The following MGAT4C variants were observed in gnomAD, a reference collection of about 807,000 sequenced individuals.
MGAT4C encodes alpha-1,3-mannosyl-glycoprotein 4-beta-N-acetylglucosaminyltransferase C.
MGAT4C carries 19 observed loss-of-function variants against 40.1 expected under a neutral mutation model. The observed-to-expected ratio is 0.47, with a 90% CI of 0.33 to 0.70. The LOEUF is 0.70. Ranked by LOEUF, MGAT4C falls within the 30% of genes least tolerant of loss-of-function variation. The pLI is 0.02. For synonymous variants in MGAT4C, 181 were observed against 187.1 expected, an observed-to-expected ratio of 0.97 and a Z score of 0.27; for missense variants, 491 against 563.2, an observed-to-expected ratio of 0.87 and a Z score of 1.30.
At chr12:86,338,032 C>A (rs1190904440) in intron 3 of MGAT4C, among the ~76,000 whole-genome samples, 1 of 152,128 alleles carries the variant, frequency 6.6e-6, no homozygotes, top group East Asian at 1.9e-4. Flanking sequence ...ACCTTGCCTG[C>A]AGCCTAGACA....
chr12:86,777,910 T>C (rs974079874), intron 1 of MGAT4C, among the ~76,000 whole-genome samples: 1 of 152,178 alleles, frequency 6.6e-6, no homozygotes, highest in African/African-American at 2.4e-5. Context: ...CTCAAAACTT[T>C]GAATTTTGAA....
rs991550421 is a variant in MGAT4C, at chr12:85,970,984, T to G, written c.*8305A>C. ...AGTGGTATGAGGACTATTGTTTGTG[T>G]TAAGTGAAATTATACCTTGTAAAAT... On this transcript the variant is annotated 3_prime_UTR_variant, in exon 5 of 5. Transcript: ENST00000611864. The G allele has an allele frequency of 2.6e-5, 4 of 151,200 alleles. No individual in the cohort carries two copies. The highest frequency in any genetic ancestry group is 5.9e-5 in the Non-Finnish European group (4 of 67,322). 9.4% of individuals were successfully genotyped at this position (151,200 alleles called of 1,614,324 possible). A position where few individuals can be genotyped will look rare whatever the true frequency, so the allele number is the denominator to read the frequency against.
At chr12:86,673,101 T>C (rs575617626) in intron 2 of MGAT4C, among the ~76,000 whole-genome samples, 8 of 152,306 alleles carry the variant, frequency 5.3e-5, no homozygotes, top group African/African-American at 1.7e-4. Context: ...GTGATAACTA[T>C]GATATCTAAT....
intron 1 of MGAT4C, among the ~76,000 whole-genome samples, chr12:86,194,621 A>ATT (rs539524406): frequency 1.4e-5 from 2 of 144,700 alleles, no homozygotes; most frequent in South Asian, 2.2e-4. Flanking sequence ...TGCCCAACTA[A>ATT]TTTTTTTTTT....
intron 2 of MGAT4C, among the ~76,000 whole-genome samples, chr12:86,488,129 A>G (rs190250483): frequency 1.2e-3 from 176 of 152,168 alleles, no homozygotes; most frequent in African/African-American, 4.2e-3. Context: ...CATGCTTGTT[A>G]TCTCAACACC....
At chr12:86,127,098 C>T (rs1050949409) in intron 1 of MGAT4C, among the ~76,000 whole-genome samples, 3 of 152,176 alleles carry the variant, frequency 2.0e-5, no homozygotes, top group African/African-American at 7.2e-5. Flanking sequence ...CGGCTCACCA[C>T]CTGCTGTGTG....
intron 2 of MGAT4C, among the ~76,000 whole-genome samples, chr12:86,717,145 A>C (rs12812042): frequency 2.6e-5 from 4 of 151,994 alleles, no homozygotes; most frequent in Non-Finnish European, 4.4e-5. Context: ...TTTTTAAAAA[A>C]CAGACATCAA....
chr12:86,834,779 A>C (rs1220510583), intron 1 of MGAT4C, among the ~76,000 whole-genome samples: 1 of 151,896 alleles, frequency 6.6e-6, no homozygotes. Flanking sequence ...ATGTCTCCTC[A>C]TTGGTGTGTA....
intron 2 of MGAT4C, among the ~76,000 whole-genome samples, chr12:86,555,067 C>T (rs1959543016): frequency 6.6e-6 from 1 of 151,902 alleles, no homozygotes. Context: ...TCATCTGACA[C>T]TCCTGCCTCC....
chr12:86,031,075 T>A (rs1890715778), intron 2 of MGAT4C, among the ~76,000 whole-genome samples: 1 of 151,806 alleles, frequency 6.6e-6, no homozygotes, highest in African/African-American at 2.4e-5. Context: ...AAACTGAATC[T>A]ATCATAGTCA....
intron 1 of MGAT4C, among the ~76,000 whole-genome samples, chr12:86,209,801 C>T (rs945193580): frequency 1.3e-5 from 2 of 152,044 alleles, no homozygotes; most frequent in Non-Finnish European, 2.9e-5. Flanking sequence ...CATATGCTTC[C>T]TAGAGTTCTC....
rs112384218 is a variant in MGAT4C, at chr12:86,613,329, C to A, written c.-229+113880G>T. On this transcript the variant is annotated intron_variant, in intron 2 of 7. Coordinates refer to the MGAT4C transcript ENST00000548651. The stretch of plus-strand genomic sequence containing the variant: ...CAACATGTAATTACAAGAAAAATTA[C>A]ACTTGTATTATTCAAAATACCTGCT... Among the ~76,000 whole-genome samples the A allele has an allele frequency of 6.7e-3, 1,020 of 152,204 alleles. 14 individuals are homozygous for A. Among genetic ancestry groups the A allele is most frequent in the African/African-American group, 0.024 (984 of 41,540 alleles).
chr12:86,467,097 T>C lies in MGAT4C; in HGVS notation c.-228-31832A>G, dbSNP rs145617656. On this transcript the variant is annotated intron_variant, in intron 2 of 7. Transcript: ENST00000548651. Reference sequence around the variant, plus strand: ...TTCTCTAAAATAATTGATGCAGCTATAGACTATATTACTTATAGTCCTTGA... The same window carrying C: ...TTCTCTAAAATAATTGATGCAGCTACAGACTATATTACTTATAGTCCTTGA... Among the ~76,000 whole-genome samples the C allele has an allele frequency of 1.4e-3, 208 of 152,304 alleles. 4 individuals are homozygous for C. Among genetic ancestry groups the C allele is most frequent in the African/African-American group, 4.7e-3 (195 of 41,594 alleles).
At chr12:86,713,233 GAGT>G (rs1368363151) in intron 2 of MGAT4C, among the ~76,000 whole-genome samples, 1 of 152,034 alleles carries the variant, frequency 6.6e-6, no homozygotes, top group Non-Finnish European at 1.5e-5. Context: ...GTTTTTTAAA[GAGT>G]AGATTTGATA....
chr12:86,319,146 C>T (rs183856681), intron 4 of MGAT4C, among the ~76,000 whole-genome samples: 1 of 152,184 alleles, frequency 6.6e-6, no homozygotes, highest in Admixed American at 6.5e-5. Flanking sequence ...CTACTGAAGC[C>T]CATAATCATA....
intron 2 of MGAT4C, among the ~76,000 whole-genome samples, chr12:86,511,254 T>G (rs1000159341): frequency 6.6e-5 from 10 of 152,088 alleles, no homozygotes; most frequent in Non-Finnish European, 1.5e-5. Context: ...GGGTACATAA[T>G]GAAATGAAGC....
At chr12:86,370,361 A>G (rs1955691819) in intron 3 of MGAT4C, among the ~76,000 whole-genome samples, 1 of 152,076 alleles carries the variant, frequency 6.6e-6, no homozygotes, top group Admixed American at 6.5e-5. Context: ...TCAGCATGAG[A>G]AAACAGCGTG....
chr12:86,212,453 G>A (rs1401725386), intron 1 of MGAT4C, among the ~76,000 whole-genome samples: 1 of 152,050 alleles, frequency 6.6e-6, no homozygotes, highest in Non-Finnish European at 1.5e-5. Flanking sequence ...TTTTAAAAAT[G>A]GAGGCAGCAG....
chr12:86,122,611 A>T (rs1199539997), intron 1 of MGAT4C, among the ~76,000 whole-genome samples: 1 of 152,198 alleles, frequency 6.6e-6, no homozygotes, highest in Non-Finnish European at 1.5e-5. Context: ...ACATTATACT[A>T]CATATATATA....
Sources: gnomAD v4.1 joint callset for allele counts (sites outside exome capture counted in the v4.1 genomes callset) on GRCh38, gnomAD v4.1.1 for gene constraint, MANE v1.5 for transcripts, NCBI Gene and HGNC (gene_info 2026-07-23, HGNC 2026-07-21) for gene names.